The following IMMP2L variants were observed in gnomAD, a reference collection of about 807,000 sequenced individuals.
IMMP2L encodes the protein mitochondrial inner membrane protease subunit 2.
Under a neutral mutation model 19.3 loss-of-function variants are expected in IMMP2L, and 18 were observed. The ratio of observed to expected loss-of-function variants is 0.93; its 90% confidence interval spans 0.64 to 1.38. The LOEUF (loss-of-function observed/expected upper bound fraction) is 1.38, where lower values mean the gene tolerates loss of function less well. IMMP2L is among the 40% of genes most tolerant of loss of function. The probability of loss-of-function intolerance (pLI) is 0.00; values close to 1 mark genes in which losing one functional copy is unlikely to be tolerated. For missense variants in IMMP2L, 233 were observed against 218.2 expected, an observed-to-expected ratio of 1.07 and a Z score of -0.43; for synonymous variants, 76 against 73.0, an observed-to-expected ratio of 1.04 and a Z score of -0.21.
intron 3 of IMMP2L, among the ~76,000 whole-genome samples, chr7:111,331,914 T>C (rs1825915903): frequency 6.6e-6 from 1 of 151,904 alleles, no homozygotes; most frequent in African/African-American, 2.4e-5. Flanking sequence ...ACCCAACTTG[T>C]TATTAACTGG....
At chr7:110,729,047 G>A (rs767979861) in intron 5 of IMMP2L, among the ~76,000 whole-genome samples, 11 of 126,874 alleles carry the variant, frequency 8.7e-5, no homozygotes, top group African/African-American at 2.5e-4. Flanking sequence ...ACTATGCCTG[G>A]CTAATTTTTG....
chr7:110,864,263 A>C (rs1226692354), intron 5 of IMMP2L, among the ~76,000 whole-genome samples: 1 of 152,116 alleles, frequency 6.6e-6, no homozygotes, highest in Admixed American at 6.6e-5. Flanking sequence ...ATTGAAATAA[A>C]GTTAGTACTA....
chr7:110,683,556 G>A (rs903202583), intron 5 of IMMP2L, among the ~76,000 whole-genome samples: 1 of 151,990 alleles, frequency 6.6e-6, no homozygotes, highest in African/African-American at 2.4e-5. Context: ...TAAAGCAAAA[G>A]ACAAGAAATT....
intron 3 of IMMP2L, among the ~76,000 whole-genome samples, chr7:111,471,005 G>A (rs1026943119): frequency 6.6e-6 from 1 of 151,982 alleles, no homozygotes; most frequent in African/African-American, 2.4e-5. Flanking sequence ...AAACTTCAAG[G>A]AGGAAGAATT....
At chr7:110,948,264 T>C (rs1817456415) in intron 4 of IMMP2L, among the ~76,000 whole-genome samples, 1 of 152,226 alleles carries the variant, frequency 6.6e-6, no homozygotes, top group Non-Finnish European at 1.5e-5. Context: ...GATTTTAGTT[T>C]CATATCAACA....
intron 1 of IMMP2L, among the ~76,000 whole-genome samples, chr7:111,536,691 T>A (rs573252063): frequency 2.2e-4 from 34 of 152,240 alleles, no homozygotes; most frequent in African/African-American, 7.9e-4. Flanking sequence ...ATATAAAAAA[T>A]TTTTTTCAAT....
At chr7:111,377,946 C>T (rs990636951) in intron 3 of IMMP2L, among the ~76,000 whole-genome samples, 1 of 151,526 alleles carries the variant, frequency 6.6e-6, no homozygotes, top group Non-Finnish European at 1.5e-5. Flanking sequence ...TCTAACTTAA[C>T]TTAGTTTTAC....
chr7:110,762,516 G>A (rs527300067), intron 5 of IMMP2L, among the ~76,000 whole-genome samples: 1 of 152,218 alleles, frequency 6.6e-6, no homozygotes, highest in South Asian at 2.1e-4. Context: ...GCCTGCCTCG[G>A]TGTCATTCTC....
chr7:111,018,524 A>G lies in IMMP2L; in HGVS notation c.240-54959T>C, dbSNP rs150058735. ...TGGTTAAGATCTACAACGTAGAAAC[A>G]TTTCAACAGTAACTAACACATGTGG... On this transcript the variant is annotated intron_variant, in intron 3 of 5. Transcript: ENST00000405709. Among the ~76,000 whole-genome samples the G allele has an allele frequency of 1.8e-3, 270 of 152,268 alleles. 1 individual carries two copies. Among genetic ancestry groups the G allele is most frequent in the African/African-American group, 5.3e-3 (222 of 41,554 alleles).
At chr7:111,091,754 T>C (rs1796887749) in intron 3 of IMMP2L, among the ~76,000 whole-genome samples, 1 of 149,534 alleles carries the variant, frequency 6.7e-6, no homozygotes, top group Non-Finnish European at 1.5e-5. Context: ...AGGATGTGAG[T>C]GGGAGAGAAA....
At chr7:111,082,473 ATTTC>A (rs924144673) in intron 3 of IMMP2L, among the ~76,000 whole-genome samples, 3 of 152,240 alleles carry the variant, frequency 2.0e-5, no homozygotes, top group African/African-American at 7.2e-5. Context: ...TGTTCTCCTC[ATTTC>A]TTTCTCAGCT....
At chr7:111,177,484 C>T (rs751181084) in intron 3 of IMMP2L, among the ~76,000 whole-genome samples, 4 of 151,932 alleles carry the variant, frequency 2.6e-5, no homozygotes, top group Non-Finnish European at 5.9e-5. Context: ...CCCGGGCTTC[C>T]CCACTTTTGA....
chr7:110,860,187 T>G (rs1807246309), intron 5 of IMMP2L, among the ~76,000 whole-genome samples: 1 of 151,924 alleles, frequency 6.6e-6, no homozygotes, highest in South Asian at 2.1e-4. Flanking sequence ...GCCAAGAAAC[T>G]GAATTGGAAA....
chr7:111,282,693 C>T (rs1820030328), intron 3 of IMMP2L, among the ~76,000 whole-genome samples: 1 of 152,118 alleles, frequency 6.6e-6, no homozygotes, highest in Admixed American at 6.5e-5. Context: ...AGGCAATCCT[C>T]CCACCTCAAC....
intron 3 of IMMP2L, among the ~76,000 whole-genome samples, chr7:111,114,695 G>A (rs527999426): frequency 2.3e-4 from 33 of 142,158 alleles, no homozygotes; most frequent in Non-Finnish European, 4.0e-4. Context: ...AGCCGAGATC[G>A]CACCACTGCC....
intron 3 of IMMP2L, among the ~76,000 whole-genome samples, chr7:111,426,304 G>C (rs1027936537): frequency 1.3e-5 from 2 of 151,010 alleles, no homozygotes; most frequent in Non-Finnish European, 3.0e-5. Flanking sequence ...TCAATCACCA[G>C]TATAATTTAG....
At chr7:110,783,030 G>C (rs1310255705) in intron 5 of IMMP2L, among the ~76,000 whole-genome samples, 5 of 151,846 alleles carry the variant, frequency 3.3e-5, no homozygotes, top group Non-Finnish European at 7.4e-5. Flanking sequence ...TTCCTGAAAG[G>C]ATATGAGCTG....
At chr7:110,706,010 C>T (rs1210621516) in intron 5 of IMMP2L, among the ~76,000 whole-genome samples, 1 of 152,014 alleles carries the variant, frequency 6.6e-6, no homozygotes, top group Non-Finnish European at 1.5e-5. Flanking sequence ...TTGTGAATAG[C>T]ACTGTGATGA....
At chr7:111,497,218 C>A (rs1004019294) in intron 2 of IMMP2L, among the ~76,000 whole-genome samples, 7 of 152,006 alleles carry the variant, frequency 4.6e-5, no homozygotes, top group African/African-American at 1.4e-4. Context: ...GGTAATTTGC[C>A]AAAATATATT....
Sources: gnomAD v4.1 joint callset for allele counts (sites outside exome capture counted in the v4.1 genomes callset) on GRCh38, gnomAD v4.1.1 for gene constraint, MANE v1.5 for transcripts, NCBI Gene and HGNC (gene_info 2026-07-23, HGNC 2026-07-21) for gene names.